The following CTNNA3 variants were observed in gnomAD, a reference collection of about 807,000 sequenced individuals.
CTNNA3 encodes catenin alpha-3.
Under a neutral mutation model 95.7 loss-of-function variants are expected in CTNNA3, and 76 were observed. That is an observed-to-expected ratio of 0.79 (90% CI 0.66 to 0.96). The LOEUF (loss-of-function observed/expected upper bound fraction) is 0.96. Ranked by LOEUF, CTNNA3 falls within the 40% of genes least tolerant of loss-of-function variation. The probability of loss-of-function intolerance (pLI) is 0.00; values close to 1 mark genes in which losing one functional copy is unlikely to be tolerated. For missense variants in CTNNA3, 1,191 were observed against 1,089.8 expected, an observed-to-expected ratio of 1.09 and a Z score of -1.31; for synonymous variants, 431 against 374.4, an observed-to-expected ratio of 1.15 and a Z score of -1.74.
chr10:67,240,212 G>A (rs1291963178), intron 5 of CTNNA3, among the ~76,000 whole-genome samples: 2 of 152,174 alleles, frequency 1.3e-5, no homozygotes, highest in Non-Finnish European at 2.9e-5. Context: ...AAGATGTGCA[G>A]CAGAAAAGCC....
chr10:67,378,738 C>A (rs1183991194), intron 5 of CTNNA3, among the ~76,000 whole-genome samples: 2 of 152,098 alleles, frequency 1.3e-5, no homozygotes, highest in African/African-American at 4.8e-5. Context: ...GGATTTCATT[C>A]TTTTTATGGC....
At chr10:66,360,832 T>TCTTTCTTCCTTCCTTCCTTCCTTCCTTC (rs2092665892) in intron 12 of CTNNA3, among the ~76,000 whole-genome samples, 1 of 96,380 alleles carries the variant, frequency 1.0e-5, no homozygotes, top group Non-Finnish European at 2.1e-5. Flanking sequence ...TTTCTTTCTT[T>TCTTTCTTCCTTCCTTCCTTCCTTCCTTC]CTTTCTTTCT....
intron 7 of CTNNA3, among the ~76,000 whole-genome samples, chr10:67,128,942 G>A (rs183119242): frequency 2.4e-4 from 36 of 151,856 alleles, no homozygotes; most frequent in Non-Finnish European, 2.2e-4. Context: ...GTTGAAACTA[G>A]GCTAATCATG....
chr10:66,075,247 C>A (rs2080527667), intron 14 of CTNNA3, among the ~76,000 whole-genome samples: 1 of 151,566 alleles, frequency 6.6e-6, no homozygotes, highest in Non-Finnish European at 1.5e-5. Flanking sequence ...ACTATAATTA[C>A]CCCTTAAAAG....
intron 7 of CTNNA3, among the ~76,000 whole-genome samples, chr10:67,092,934 T>TGG (rs1229681859): frequency 2.6e-5 from 4 of 151,980 alleles, no homozygotes; most frequent in Non-Finnish European, 5.9e-5. Flanking sequence ...TACAATAGCA[T>TGG]ATAACGATTT....
chr10:66,956,465 C>G lies in CTNNA3; in HGVS notation c.1048-180941G>C, dbSNP rs79479030. ...GGCTTGCAGAGCTTGGGCTGAGAAT[C>G]TTTGCAAGTTATTGTCATCCAGGCA... On this transcript the variant is annotated intron_variant, in intron 7 of 17. Coordinates refer to ENST00000433211, the MANE Select transcript of CTNNA3 (RefSeq NM_013266.4). Among the ~76,000 whole-genome samples the G allele has an allele frequency of 8.5e-3, 1,288 of 152,096 alleles. 21 individuals are homozygous for G. Among genetic ancestry groups the G allele is most frequent in the African/African-American group, 0.029 (1,219 of 41,490 alleles).
At chr10:66,101,126 T>C (rs1216778032) in intron 14 of CTNNA3, among the ~76,000 whole-genome samples, 1 of 152,184 alleles carries the variant, frequency 6.6e-6, no homozygotes, top group Non-Finnish European at 1.5e-5. Flanking sequence ...GAGCAAAGCT[T>C]ACTTTTAGCA....
chr10:67,376,492 A>G (rs1244172807), intron 5 of CTNNA3, among the ~76,000 whole-genome samples: 7 of 152,206 alleles, frequency 4.6e-5, no homozygotes, highest in Admixed American at 1.3e-4. Context: ...GATTTCTGGG[A>G]TTTCCTCCTT....
At chr10:66,993,343 T>C (rs898925797) in intron 7 of CTNNA3, among the ~76,000 whole-genome samples, 1 of 152,168 alleles carries the variant, frequency 6.6e-6, no homozygotes, top group Admixed American at 6.6e-5. Flanking sequence ...CTCTGCCTTA[T>C]TCTATTCCTA....
intron 13 of CTNNA3, among the ~76,000 whole-genome samples, chr10:66,194,511 T>C (rs2086848395): frequency 6.6e-6 from 1 of 151,828 alleles, no homozygotes. Context: ...ACACTGGAGG[T>C]GGAGGTTGCA....
chr10:66,478,471 A>G (rs193054002), intron 11 of CTNNA3, among the ~76,000 whole-genome samples: 304 of 152,122 alleles, frequency 2.0e-3, no homozygotes, highest in Non-Finnish European at 3.5e-3. Flanking sequence ...TTGAATAAAT[A>G]ATTGAAATAT....
intron 1 of CTNNA3, among the ~76,000 whole-genome samples, chr10:67,737,705 A>AG (rs1299643618): frequency 1.3e-5 from 2 of 152,248 alleles, no homozygotes; most frequent in African/African-American, 4.8e-5. Flanking sequence ...CCACAATGAG[A>AG]TACCATCTCA....
intron 15 of CTNNA3, among the ~76,000 whole-genome samples, chr10:66,068,273 G>C (rs996791593): frequency 6.6e-6 from 1 of 151,912 alleles, no homozygotes; most frequent in Non-Finnish European, 1.5e-5. Flanking sequence ...AATTTTTTAT[G>C]TCTGCAAGTA....
chr10:67,153,622 C>T (rs989857516), intron 7 of CTNNA3, among the ~76,000 whole-genome samples: 1 of 152,202 alleles, frequency 6.6e-6, no homozygotes, highest in African/African-American at 2.4e-5. Context: ...AAATTCAAAA[C>T]ACCAGAATTA....
At chr10:65,939,748 G>T (rs1171384942) in intron 17 of CTNNA3, among the ~76,000 whole-genome samples, 1 of 152,048 alleles carries the variant, frequency 6.6e-6, no homozygotes, top group Non-Finnish European at 1.5e-5. Context: ...TTATTGTACT[G>T]CAGTTTTTAT....
chr10:66,903,007 A>T (rs866369400), intron 7 of CTNNA3, among the ~76,000 whole-genome samples: 2 of 152,256 alleles, frequency 1.3e-5, no homozygotes, highest in African/African-American at 4.8e-5. Flanking sequence ...AAAAGAGGGA[A>T]TCCTCCCTAA....
chr10:66,725,003 G>T (rs1425253069), intron 9 of CTNNA3, among the ~76,000 whole-genome samples: 2 of 152,088 alleles, frequency 1.3e-5, no homozygotes, highest in Non-Finnish European at 2.9e-5. Flanking sequence ...AAATGATGTA[G>T]TATATGCACA....
intron 7 of CTNNA3, among the ~76,000 whole-genome samples, chr10:66,783,522 T>C (rs7908168): frequency 0.67 from 102,145 of 151,898 alleles, 34,932 homozygotes; most frequent in East Asian, 1. Context: ...AGCAGCCAGC[T>C]TTAGAAAAGT....
intron 10 of CTNNA3, among the ~76,000 whole-genome samples, chr10:66,521,221 A>G (rs986363225): frequency 6.6e-6 from 1 of 151,834 alleles, no homozygotes; most frequent in African/African-American, 2.4e-5. Flanking sequence ...TTTATTTTTA[A>G]AATTTTCCTA....
Sources: allele counts gnomAD v4.1 joint callset (sites outside exome capture counted in the v4.1 genomes callset), GRCh38; gene constraint gnomAD v4.1.1; transcripts MANE v1.5; gene names NCBI Gene and HGNC (gene_info 2026-07-23, HGNC 2026-07-21).